The following GPR157 variants were observed in gnomAD, a reference collection of about 807,000 sequenced individuals.
GPR157 encodes G protein-coupled receptor 157, also known as G-protein coupled receptor 157.
A neutral mutation model predicts 23.5 loss-of-function variants in GPR157; 16 were observed. The ratio of observed to expected loss-of-function variants is 0.68; its 90% confidence interval spans 0.46 to 1.04. The LOEUF (loss-of-function observed/expected upper bound fraction) is 1.04. Among genes scored for constraint, GPR157 ranks in the 50% least tolerant of loss-of-function variants. The pLI is 0.00. For missense variants in GPR157, 440 were observed against 460.7 expected (o/e 0.96, Z 0.41); for synonymous variants, 200 against 221.5 (o/e 0.90, Z 0.86).
rs780146362 is a variant in GPR157 at position 9,118,580 on chromosome 1, G to T, written c.384-7091C>A. 6.6e-6 allele frequency among the ~76,000 whole-genome samples: 1 copy of T among 152,186 alleles called. No homozygotes were observed. Among genetic ancestry groups the T allele is most frequent in the Non-Finnish European group, 1.5e-5 (1 of 68,028 alleles). ...TCGGCTTCCTTCCCACTCAGAGGCC[G>T]TTAAGGGTTCAATTGTGTCCCCTAC... On this transcript the variant is annotated intron_variant, in intron 1 of 3. Transcript: ENST00000377411. The surrounding 1 kb of genome is among the most constrained non-coding windows in gnomAD (Gnocchi z 4.6).
Position 9,128,378 on chromosome 1 carries a change from G to C in GPR157, c.383+267C>G, listed in dbSNP as rs1464655079. The C allele has an allele frequency of 7.3e-6, 5 of 683,564 alleles. No homozygotes were observed. The highest frequency in any genetic ancestry group is 1.3e-5 in the Non-Finnish European group (5 of 372,956). The allele number at this position is 683,564 out of a possible 1,614,324, so 42.3% of individuals were successfully genotyped here. ...CTCCCCAGCCCCGTCCAAGGAAACA[G>C]GGCCCGGCTCTGGGGGCGAACTCTG... On this transcript the variant is annotated intron_variant, in intron 1 of 3. Transcript: ENST00000377411. This position sits in a 1 kb window ranked among gnomAD's most constrained non-coding sequence, Gnocchi z 6.3.
At chr1:9,119,030 C>CTTTTT (rs775520071) in intron 1 of GPR157, among the ~76,000 whole-genome samples, 1 of 113,242 alleles carries the variant, frequency 8.8e-6, no homozygotes, top group Non-Finnish European at 1.7e-5. Context: ...GAGACCCTGC[C>CTTTTT]TTTTTTTTTT....
chr1:9,119,030 CTTTT>C (rs775520071), intron 1 of GPR157, among the ~76,000 whole-genome samples: 1 of 113,240 alleles, frequency 8.8e-6, no homozygotes, highest in Non-Finnish European at 1.7e-5. Flanking sequence ...GAGACCCTGC[CTTTT>C]TTTTTTTTTT....
Position 9,123,160 on chromosome 1 carries a change from T to TGG in GPR157, c.383+5483_383+5484dup, listed in dbSNP as rs199693359. Among the ~76,000 whole-genome samples the TGG allele has an allele frequency of 1.0e-3, 104 of 103,278 alleles. 1 individual carries two copies. The highest frequency in any genetic ancestry group is 3.9e-3 in the African/African-American group (97 of 24,584). 67.8% of individuals were successfully genotyped at this position (103,278 alleles called of 152,430 possible). A position where few individuals can be genotyped will look rare whatever the true frequency, so the allele number is the denominator to read the frequency against. On this transcript the variant is annotated intron_variant, in intron 1 of 3. Coordinates refer to ENST00000377411, the MANE Select transcript of GPR157 (RefSeq NM_024980.5). ...GCAACAAGAGTGAAACTGTCTTGGG[T>TGG]GGGAAAAAAAAAAAATATATATATA...
In GPR157 at chr1:9,101,022, A is replaced by G. The variant is rs1642559496; in HGVS notation, c.*3397T>C. 1 of 151,942 alleles carries G rather than the reference A, an allele frequency of 6.6e-6. No homozygotes were observed. Among genetic ancestry groups the G allele is most frequent in the Non-Finnish European group, 1.5e-5 (1 of 68,034 alleles). The allele number at this position is 151,942 out of a possible 1,614,324, so 9.4% of individuals were successfully genotyped here. A position where few individuals can be genotyped will look rare whatever the true frequency, so the allele number is the denominator to read the frequency against. On this transcript the variant is annotated 3_prime_UTR_variant, in exon 4 of 4. Coordinates refer to ENST00000377411, the MANE Select transcript of GPR157 (RefSeq NM_024980.5). ...AACCCTGCCTCACAAAAATAAATAA[A>G]CTAAAAAGAAGTAACAGCCCCTCCT...
chr1:9,116,965 T>G (rs1638695039), intron 1 of GPR157, among the ~76,000 whole-genome samples: 1 of 152,064 alleles, frequency 6.6e-6, no homozygotes, highest in Non-Finnish European at 1.5e-5. Context: ...GGTCTTGAAC[T>G]CCTGGCTTCA....
At chr1:9,121,253 A>G (rs1638792192) in intron 1 of GPR157, among the ~76,000 whole-genome samples, 1 of 151,496 alleles carries the variant, frequency 6.6e-6, no homozygotes, top group South Asian at 2.1e-4. Context: ...AATCGCTTGA[A>G]CCTGGGAGAT....
intron 2 of GPR157, 83 bp downstream of exon 2, chr1:9,111,193 C>A: frequency 7.4e-7 from 1 of 1,348,856 alleles, no homozygotes; most frequent in Middle Eastern, 1.8e-4. Context: ...CCTGTCCCCT[C>A]GGGGGGCCAA....
rs2124524441 is a variant in GPR157, at chr1:9,120,847, A to G, written c.383+7798T>C. Among the ~76,000 whole-genome samples, 1 of 152,284 alleles carries G rather than the reference A, an allele frequency of 6.6e-6. No individual in the cohort carries two copies. Among genetic ancestry groups the G allele is most frequent in the Middle Eastern group, 3.4e-3 (1 of 294 alleles). On this transcript the variant is annotated intron_variant, in intron 1 of 3. Transcript: ENST00000377411. The surrounding 1 kb of genome is among the most constrained non-coding windows in gnomAD (Gnocchi z 4.1). Reference sequence around the variant, plus strand: ...CACAGCGCTGCCACCTTCACCAGTCACCTCAGAAAACTTTTATGGGGAAAT... The same window carrying G: ...CACAGCGCTGCCACCTTCACCAGTCGCCTCAGAAAACTTTTATGGGGAAAT...
Position 9,105,806 on chromosome 1 carries a change from C to G in GPR157, c.598-126G>C. The G allele has an allele frequency of 1.3e-6, 1 of 742,964 alleles. No homozygotes were observed. The highest frequency in any genetic ancestry group is 2.2e-6 in the Non-Finnish European group (1 of 461,030). The allele number at this position is 742,964 out of a possible 1,614,324, so 46.0% of individuals were successfully genotyped here. ...GAGGTAGGGGAGATGTGTGGTGGAG[C>G]CCGGATCCTTCTCCTGAACCCTGAC... is the stretch of plus-strand genomic sequence containing the variant. On this transcript the variant is annotated intron_variant, in intron 2 of 3. Coordinates refer to ENST00000377411, the MANE Select transcript of GPR157 (RefSeq NM_024980.5). This position sits in a 1 kb window ranked among gnomAD's most constrained non-coding sequence, Gnocchi z 4.8.
At chr1:9,123,194 A>T (rs1319917206) in intron 1 of GPR157, among the ~76,000 whole-genome samples, 2 of 127,230 alleles carry the variant, frequency 1.6e-5, no homozygotes, top group South Asian at 2.3e-4. Context: ...TATATATATA[A>T]ATAAAATTTA....
intron 2 of GPR157, among the ~76,000 whole-genome samples, chr1:9,108,822 G>A (rs896421442): frequency 3.3e-5 from 5 of 151,108 alleles, no homozygotes; most frequent in Non-Finnish European, 4.4e-5. Flanking sequence ...GAGTCTCTCT[G>A]TCACCCAGGC....
In GPR157 at chr1:9,104,563, A is replaced by G; in HGVS notation, c.864T>C (p.Thr288=). ...MFVLCTRAVR[T]RLFSLCCCCC... ...AGCAGCAACAGAGAGAGAAGAGCCG[A>G]GTTCGGACGGCGCGGGTGCAGAGGA... The change falls in exon 4 of 4, where the codon ACT becomes ACC. Residue 288 remains threonine, a synonymous_variant. Coordinates refer to ENST00000377411, the MANE Select transcript of GPR157 (RefSeq NM_024980.5). 1 of 1,613,904 alleles carries G rather than the reference A, an allele frequency of 6.2e-7. No individual in the cohort carries two copies. Among genetic ancestry groups the G allele is most frequent in the Non-Finnish European group, 8.5e-7 (1 of 1,179,952 alleles).
At chr1:9,116,282 A>ATTATAATATAT (rs1557698084) in intron 1 of GPR157, among the ~76,000 whole-genome samples, 1 of 1,224 alleles carries the variant, frequency 8.2e-4, no homozygotes, top group Non-Finnish European at 1.5e-3. Context: ...ATTATATATA[A>ATTATAATATAT]ATTATATATA....
Position 9,111,351 on chromosome 1 carries a change from C to T in GPR157, c.522G>A (p.Gly174=). ...CATATGCCAGCATCTCCCACAGCTT[C>T]CCCGTCAGCAGCATCCACAGGACAT... ...KDHVLWMLLT[G]KLWEMLAYVL... is the part of the protein sequence containing the mutation. Residue 174 remains glycine (G), a synonymous_variant, in exon 2 of 4, where the codon GGG becomes GGA. Transcript: ENST00000377411. 3 of 1,614,244 alleles carry T rather than the reference C, an allele frequency of 1.9e-6. No homozygotes were observed. The highest frequency in any genetic ancestry group is 2.2e-5 in the South Asian group (2 of 91,086).
chr1:9,117,380 C>T (rs1434775473), intron 1 of GPR157, among the ~76,000 whole-genome samples: 2 of 152,176 alleles, frequency 1.3e-5, no homozygotes, highest in Non-Finnish European at 2.9e-5. Flanking sequence ...AGGGGGCCAC[C>T]CTGAGCTGCA....
rs779333690 is a variant in GPR157, at chr1:9,128,649, C to T, written c.379G>A (p.Val127Ile). The T allele has an allele frequency of 6.2e-7, 1 of 1,612,776 alleles. No homozygotes were observed. The highest frequency in any genetic ancestry group is 8.5e-7 in the Non-Finnish European group (1 of 1,179,792). The change falls in exon 1 of 4, where the codon GTC (valine) becomes ATC (isoleucine). Residue 127 changes from valine to isoleucine, a missense_variant. Coordinates refer to ENST00000377411, the MANE Select transcript of GPR157 (RefSeq NM_024980.5). The surrounding 1 kb of genome is among the most constrained non-coding windows in gnomAD (Gnocchi z 6.3). ...AGCAGCGCCACCGCCACCCACCTGA[C>T]GACATGGAAGGCCCAAAGCAGGCGA... is the stretch of plus-strand genomic sequence containing the variant. ...TDRLLWAFHV[V>I]SWGVPLVITV...
chr1:9,108,704 A>G (rs1638406201), intron 2 of GPR157, among the ~76,000 whole-genome samples: 1 of 152,210 alleles, frequency 6.6e-6, no homozygotes, highest in Non-Finnish European at 1.5e-5. Flanking sequence ...GCTGGAATAC[A>G]GTGAACTCCC....
At chr1:9,112,498 G>T (rs1302501202) in intron 1 of GPR157, among the ~76,000 whole-genome samples, 2 of 152,238 alleles carry the variant, frequency 1.3e-5, no homozygotes, top group East Asian at 3.8e-4. Context: ...TGTCACCCAG[G>T]CTGGAGTGCA....
Sources: gnomAD v4.1 joint callset for allele counts (sites outside exome capture counted in the v4.1 genomes callset) on GRCh38, gnomAD v4.1.1 for gene constraint, Gnocchi (gnomAD v3.1) non-coding constraint, MANE v1.5 for transcripts, NCBI Gene and HGNC (gene_info 2026-07-23, HGNC 2026-07-21) for gene names.